Variants in ACTR8 observed in about 807,000 individuals in gnomAD.
ACTR8 encodes the protein actin-related protein 8.
ACTR8 carries 70 observed loss-of-function variants against 84.3 expected under a neutral mutation model. The ratio of observed to expected loss-of-function variants is 0.83; its 90% CI spans 0.68 to 1.01. ACTR8 has a LOEUF of 1.01. Ranked by LOEUF, ACTR8 falls within the 50% of genes least tolerant of loss-of-function variation. ACTR8 has a pLI of 0.00. For missense variants in ACTR8, 672 were observed against 775.4 expected, an observed-to-expected ratio of 0.87 and a Z score of 1.58; for synonymous variants, 268 against 275.2, an observed-to-expected ratio of 0.97 and a Z score of 0.26.
chr3:53,874,878 C>T lies in ACTR8; in HGVS notation c.912-514G>A, dbSNP rs7640840. On this transcript the variant is annotated intron_variant, in intron 7 of 12. Coordinates refer to ENST00000335754, the MANE Select transcript of ACTR8 (RefSeq NM_022899.5). ...AGCAAAAACCAGTGGGGAACACCTA[C>T]AGTAGTCATGATGTTTGCAAAATGT... 2.6e-3 allele frequency among the ~76,000 whole-genome samples: 400 copies of T among 152,292 alleles called. 2 individuals carry two copies. The highest frequency in any genetic ancestry group is 8.9e-3 in the African/African-American group (372 of 41,568).
At position 53,876,006 on chromosome 3, in the gene ACTR8, C is replaced by G; in HGVS notation, c.853G>C (p.Gly285Arg). The G allele has an allele frequency of 1.9e-6, 3 of 1,614,172 alleles. No homozygotes were observed. The highest frequency in any genetic ancestry group is 2.5e-6 in the Non-Finnish European group (3 of 1,180,040). ...CAGCATACACTTGTCTTCTGGTCCC[C>G]AACGTCTACAATACACGTGCTGCTT... Reference protein sequence around the residue: ...GLSSTCIVDVGDQKTSVCCVE... With the variant: ...GLSSTCIVDVRDQKTSVCCVE... The change falls in exon 7 of 13, where the codon GGG (glycine) becomes CGG (arginine). Residue 285 changes from glycine (G) to arginine (R), a missense_variant. Coordinates refer to ENST00000335754, the MANE Select transcript of ACTR8 (RefSeq NM_022899.5).
Position 53,870,704 on chromosome 3 carries a change from C to G in ACTR8, c.1567+528G>C, listed in dbSNP as rs2107051940. Among the ~76,000 whole-genome samples, 1 of 152,214 alleles carries G rather than the reference C, an allele frequency of 6.6e-6. No homozygotes were observed. The highest frequency in any genetic ancestry group is 3.4e-3 in the Middle Eastern group (1 of 294). On this transcript the variant is annotated intron_variant, in intron 11 of 12. Coordinates refer to ENST00000335754, the MANE Select transcript of ACTR8 (RefSeq NM_022899.5). The surrounding 1 kb of genome is among the most constrained non-coding windows in gnomAD (Gnocchi z 4.1). ...CACAAGATCCACTACGGGTGGTCGT[C>G]CCCTGCTTCTCTAGCCTCATCCTCA...
chr3:53,869,881 ACTC>A (rs1699858134), intron 12 of ACTR8, 98 bp downstream of exon 12: 1 of 1,403,258 alleles, frequency 7.1e-7, no homozygotes, highest in African/African-American at 1.4e-5. Flanking sequence ...GCCCTCAAGA[ACTC>A]CTCAGACACA....
chr3:53,881,330 T>C (rs1020253957), intron 1 of ACTR8, among the ~76,000 whole-genome samples: 1 of 152,234 alleles, frequency 6.6e-6, no homozygotes, highest in African/African-American at 2.4e-5. Flanking sequence ...TTTTAGTTAC[T>C]GATCAGTAAG....
chr3:53,872,540 A>G lies in ACTR8; in HGVS notation c.1162-16T>C. On this transcript the variant is annotated splice_polypyrimidine_tract_variant and intron_variant, in intron 9 of 12. Transcript: ENST00000335754. ...CCATTGGAGCCTGTACATGAAGAAA[A>G]AGAGTGATCAACAAAAGATACTGCA... 6.4e-7 allele frequency: 1 copy of G among 1,566,142 alleles called. No individual in the cohort carries two copies. Among genetic ancestry groups the G allele is most frequent in the Non-Finnish European group, 8.6e-7 (1 of 1,162,642 alleles).
In ACTR8 at chr3:53,877,245, T is replaced by C. The variant is rs763364408; in HGVS notation, c.653A>G (p.Lys218Arg). The change falls in exon 5 of 13, where the codon AAA becomes AGA. Residue 218 changes from lysine to arginine, a missense_variant. By Grantham distance (26) the Lys-to-Arg change is conservative. Transcript: ENST00000335754. ...ATCTTTCAGTGGGATTTCCAAGTAT[T>C]TTTGTATCGCATGAGACCATATTAC... is the stretch of plus-strand genomic sequence containing the variant. ...IEVIWSHAIQ[K>R]YLEIPLKDLK... 6.2e-7 allele frequency: 1 copy of C among 1,606,322 alleles called. No individual in the cohort carries two copies. The highest frequency in any genetic ancestry group is 8.5e-7 in the Non-Finnish European group (1 of 1,177,920).
At position 53,876,083 on chromosome 3, in the gene ACTR8, G is replaced by GA; in HGVS notation, c.779-4_779-3insT. On this transcript the variant is annotated splice_region_variant and splice_polypyrimidine_tract_variant and intron_variant, in intron 6 of 12. Coordinates refer to ENST00000335754, the MANE Select transcript of ACTR8 (RefSeq NM_022899.5). Reference sequence around the variant, plus strand: ...AGACTCCTGATGGACCACAATCCCTGGGGGGGGAAAAGAAAAGGCAGAGTA... The same window carrying GA: ...AGACTCCTGATGGACCACAATCCCTGAGGGGGGGAAAAGAAAAGGCAGAGTA... 1.9e-6 allele frequency: 3 copies of GA among 1,546,288 alleles called. No individual in the cohort carries two copies. Among genetic ancestry groups the GA allele is most frequent in the East Asian group, 2.5e-5 (1 of 40,046 alleles).
intron 7 of ACTR8, among the ~76,000 whole-genome samples, chr3:53,874,595 A>G (rs1009904122): frequency 6.6e-6 from 1 of 152,128 alleles, no homozygotes; most frequent in African/African-American, 2.4e-5. Context: ...ATGGTGGTGC[A>G]CACCTGTAAT....
downstream of ACTR8, chr3:53,865,255 G>T: frequency 6.2e-7 from 1 of 1,611,906 alleles, no homozygotes; most frequent in African/African-American, 1.3e-5. Context: ...CAAGCAGCAG[G>T]TGTCAGCAGG....
At chr3:53,865,346 A>G (rs369678154), downstream of ACTR8, 1 of 1,504,146 alleles carries the variant, frequency 6.6e-7, no homozygotes, top group Admixed American at 1.9e-5. Flanking sequence ...AAGGCTTCCT[A>G]TCCCACCAAT....
Position 53,868,562 on chromosome 3 carries a change from C to G in ACTR8, c.*157G>C. On this transcript the variant is annotated 3_prime_UTR_variant, in exon 13 of 13. Transcript: ENST00000335754. ...ACTGCTCAAAAGCAGTTTATATTTT[C>G]AAACCAATGTCATGTCCTCAACATA... The G allele has an allele frequency of 8.4e-7, 1 of 1,188,730 alleles. No individual in the cohort carries two copies. The highest frequency in any genetic ancestry group is 1.2e-6 in the Non-Finnish European group (1 of 867,248). 73.6% of individuals were successfully genotyped at this position (1,188,730 alleles called of 1,614,324 possible). A position where few individuals can be genotyped will look rare whatever the true frequency, so the allele number is the denominator to read the frequency against.
At chr3:53,859,128 G>A in the ACTR8 span, 1 of 258,526 alleles carries the variant, frequency 3.9e-6, no homozygotes, top group Non-Finnish European at 7.4e-6. Context: ...AGCCAAAGAT[G>A]TAAGATGGCT....
At chr3:53,880,499 T>G (rs1447283185) in intron 1 of ACTR8, among the ~76,000 whole-genome samples, 1 of 152,208 alleles carries the variant, frequency 6.6e-6, no homozygotes, top group Non-Finnish European at 1.5e-5. Flanking sequence ...ATGAAGCTCC[T>G]AACTCACAGT....
Position 53,876,705 on chromosome 3 carries a change from T to C in ACTR8, c.693A>G (p.Arg231=), listed in dbSNP as rs370404459. 9.5e-6 allele frequency: 14 copies of C among 1,470,750 alleles called. No homozygotes were observed. The highest frequency in any genetic ancestry group is 1.3e-5 in the Non-Finnish European group (14 of 1,066,470). 91.1% of individuals were successfully genotyped at this position (1,470,750 alleles called of 1,614,324 possible). The change falls in exon 6 of 13, where the codon AGA becomes AGG. Residue 231 remains arginine (R), a synonymous_variant. Transcript: ENST00000335754. ...EIPLKDLKYY[R]CILLIPDIYN... is the part of the protein sequence containing the mutation. ...AGATATCAGGAATTAACAAGATACA[T>C]CTATAATACTAAAAAGAAGAACAAA...
chr3:53,874,754 C>CA (rs1415702051), intron 7 of ACTR8, among the ~76,000 whole-genome samples: 1 of 150,720 alleles, frequency 6.6e-6, no homozygotes, highest in East Asian at 1.9e-4. Flanking sequence ...AAAAAACAAA[C>CA]AAAAATGTCC....
At chr3:53,880,585 T>C (rs1477480469) in intron 1 of ACTR8, among the ~76,000 whole-genome samples, 1 of 152,202 alleles carries the variant, frequency 6.6e-6, no homozygotes, top group African/African-American at 2.4e-5. Context: ...TGTTGGCTCT[T>C]ACTATAGTAA....
intron 8 of ACTR8, 117 bp downstream of exon 8, chr3:53,874,094 G>C (rs1699930680): frequency 1.8e-6 from 2 of 1,102,608 alleles, no homozygotes; most frequent in Non-Finnish European, 2.5e-6. Context: ...AAAGTGCTGG[G>C]ATTACAGGCA....
downstream of ACTR8, among the ~76,000 whole-genome samples, chr3:53,866,832 ATG>A (rs1020315326): frequency 3.0e-5 from 4 of 132,266 alleles, no homozygotes; most frequent in African/African-American, 1.1e-4. Context: ...ATTAGCATAA[ATG>A]TTTTTTTTCT....
rs964709984 is a variant in ACTR8, at chr3:53,877,316, G to A, written c.582C>T (p.His194=). ...CTGTAAGAGAGCCCCCAGGGCCTGG[G>A]TGAATATTTAACTGACCTCTTCTGA... ...WPIRRGQLNI[H]PGPGGSLTAV... is the part of the protein sequence containing the mutation. The change falls in exon 5 of 13, where the codon CAC becomes CAT. Residue 194 remains histidine, a synonymous_variant. Transcript: ENST00000335754. The A allele has an allele frequency of 5.0e-6, 8 of 1,614,070 alleles. No individual in the cohort carries two copies. Among genetic ancestry groups the A allele is most frequent in the African/African-American group, 1.3e-5 (1 of 75,056 alleles).
Sources: allele counts gnomAD v4.1 joint callset (sites outside exome capture counted in the v4.1 genomes callset), GRCh38; gene constraint gnomAD v4.1.1; non-coding constraint Gnocchi (gnomAD v3.1); transcripts MANE v1.5; gene names NCBI Gene and HGNC (gene_info 2026-07-23, HGNC 2026-07-21).